The following SORCS2 variants were observed in gnomAD, a reference collection of about 807,000 sequenced individuals.
SORCS2 encodes the protein VPS10 domain-containing receptor SorCS2.
In SORCS2, 100 loss-of-function variants were observed where a neutral mutation model predicts 141.6. That is an observed-to-expected ratio of 0.71 (90% CI 0.60 to 0.83). The LOEUF (loss-of-function observed/expected upper bound fraction) is 0.83, where lower values mean the gene tolerates loss of function less well. SORCS2 is among the 40% of genes least tolerant of loss of function. The pLI is 0.00. For synonymous variants in SORCS2, 789 were observed against 676.9 expected (o/e 1.17, Z -2.57); for missense variants, 1,646 against 1,560.2 (o/e 1.05, Z -0.93).
intron 1 of SORCS2, among the ~76,000 whole-genome samples, chr4:7,334,222 C>A (rs1462756889): frequency 2.0e-5 from 3 of 152,142 alleles, no homozygotes; most frequent in Non-Finnish European, 4.4e-5. Context: ...TGAGGCTCTC[C>A]CCAAACTTTG....
intron 1 of SORCS2, among the ~76,000 whole-genome samples, chr4:7,312,462 C>G (rs1397544205): frequency 6.6e-6 from 1 of 150,682 alleles, no homozygotes; most frequent in African/African-American, 2.4e-5. Context: ...TCCCTTGGCC[C>G]CCTTTCTGTT....
At chr4:7,271,076 G>A (rs926047891) in intron 1 of SORCS2, among the ~76,000 whole-genome samples, 2 of 152,214 alleles carry the variant, frequency 1.3e-5, no homozygotes, top group African/African-American at 4.8e-5. Context: ...AAGCGATGAG[G>A]CTACTGTGGG....
chr4:7,530,481 G>A (rs986889075), intron 2 of SORCS2, among the ~76,000 whole-genome samples: 1 of 152,198 alleles, frequency 6.6e-6, no homozygotes, highest in Non-Finnish European at 1.5e-5. Flanking sequence ...GGAGCCCCAC[G>A]GCCGTGTGTT....
chr4:7,206,627 G>A (rs983058263), intron 1 of SORCS2, among the ~76,000 whole-genome samples: 3 of 152,148 alleles, frequency 2.0e-5, no homozygotes, highest in African/African-American at 7.2e-5. Context: ...GAGGAGTCCT[G>A]GGCAGAGGGG....
At chr4:7,215,075 C>A (rs1453930726) in intron 1 of SORCS2, among the ~76,000 whole-genome samples, 8 of 152,152 alleles carry the variant, frequency 5.3e-5, no homozygotes, top group African/African-American at 1.9e-4. Context: ...GGAGCCCCTT[C>A]CTGGGCTGGC....
chr4:7,639,806 T>G (rs1302787782), intron 4 of SORCS2, among the ~76,000 whole-genome samples: 1 of 151,216 alleles, frequency 6.6e-6, no homozygotes, highest in Non-Finnish European at 1.5e-5. Flanking sequence ...GGTGAGGTTG[T>G]GTTTGAGTGT....
Position 7,681,154 on chromosome 4 carries a change from G to C in SORCS2, c.1342-1589G>C, listed in dbSNP as rs1335997682. 2.0e-5 allele frequency among the ~76,000 whole-genome samples: 3 copies of C among 152,156 alleles called. No individual in the cohort carries two copies. The South Asian group carries it at 6.2e-4, about 32-fold the overall frequency. Reference sequence around the variant, plus strand: ...CTGATGCGTGTCCTTGGGGGTCAGGGGAGGGACTGCACTGGAGAGAATAGT... The same window carrying C: ...CTGATGCGTGTCCTTGGGGGTCAGGCGAGGGACTGCACTGGAGAGAATAGT... On this transcript the variant is annotated intron_variant, in intron 9 of 26. Transcript: ENST00000507866.
At chr4:7,338,018 C>T (rs139358057) in intron 1 of SORCS2, among the ~76,000 whole-genome samples, 62 of 152,356 alleles carry the variant, frequency 4.1e-4, no homozygotes, top group African/African-American at 1.4e-3. Flanking sequence ...CTGGGCATTG[C>T]GTACCTGCTG....
chr4:7,688,895 A>G (rs1429776820), intron 10 of SORCS2, among the ~76,000 whole-genome samples: 1 of 152,126 alleles, frequency 6.6e-6, no homozygotes, highest in Non-Finnish European at 1.5e-5. Context: ...AACCCCCTGG[A>G]GCTCTTGCAC....
At chr4:7,649,434 G>A (rs546227424) in intron 4 of SORCS2, among the ~76,000 whole-genome samples, 3 of 152,258 alleles carry the variant, frequency 2.0e-5, no homozygotes, top group African/African-American at 7.2e-5. Context: ...GTGGAGAGTG[G>A]CAGGACCAGG....
intron 3 of SORCS2, among the ~76,000 whole-genome samples, chr4:7,611,814 T>C (rs1718422601): frequency 6.6e-6 from 1 of 152,224 alleles, no homozygotes; most frequent in African/African-American, 2.4e-5. Flanking sequence ...TGCTTACACA[T>C]TGTCAGGGGC....
intron 1 of SORCS2, among the ~76,000 whole-genome samples, chr4:7,363,250 T>C (rs1392041749): frequency 6.6e-6 from 1 of 150,898 alleles, no homozygotes; most frequent in Non-Finnish European, 1.5e-5. Flanking sequence ...ATCACCATCA[T>C]CACCATCATT....
intron 2 of SORCS2, among the ~76,000 whole-genome samples, chr4:7,481,850 C>T (rs1054860124): frequency 3.3e-5 from 5 of 152,100 alleles, no homozygotes; most frequent in Non-Finnish European, 7.4e-5. Flanking sequence ...ACCTTTGTCA[C>T]GCTGGATGGT....
chr4:7,605,860 C>A (rs1718024813), intron 3 of SORCS2, among the ~76,000 whole-genome samples: 2 of 152,136 alleles, frequency 1.3e-5, no homozygotes, highest in African/African-American at 4.8e-5. Context: ...GAGGCTGCAG[C>A]CAGTGGGTGG....
At chr4:7,382,046 C>T in intron 1 of SORCS2, 1 of 932,294 alleles carries the variant, frequency 1.1e-6, no homozygotes, top group Non-Finnish European at 1.3e-6. Flanking sequence ...AAGATGGGAC[C>T]TCGTTCGGGA....
At chr4:7,383,810 C>G (rs928333372) in intron 1 of SORCS2, among the ~76,000 whole-genome samples, 6 of 151,940 alleles carry the variant, frequency 3.9e-5, no homozygotes, top group African/African-American at 1.5e-4. Flanking sequence ...AAAGGAGTGA[C>G]GGGTGAAATT....
chr4:7,195,186 G>A (rs1199199033), intron 1 of SORCS2, among the ~76,000 whole-genome samples: 3 of 150,938 alleles, frequency 2.0e-5, no homozygotes, highest in South Asian at 2.1e-4. Flanking sequence ...GTGTGTGTGT[G>A]TGTGTGTGTG....
intron 3 of SORCS2, among the ~76,000 whole-genome samples, chr4:7,548,998 A>G (rs1408141842): frequency 1.3e-5 from 2 of 152,220 alleles, no homozygotes; most frequent in African/African-American, 4.8e-5. Flanking sequence ...CTTGGGTCGC[A>G]TGTTATCCAT....
chr4:7,322,158 C>T (rs1427120818), intron 1 of SORCS2, among the ~76,000 whole-genome samples: 3 of 152,136 alleles, frequency 2.0e-5, no homozygotes, highest in East Asian at 1.9e-4. Flanking sequence ...CCAGAGGGGG[C>T]CGGGATGTGG....
Sources: allele counts gnomAD v4.1 joint callset (sites outside exome capture counted in the v4.1 genomes callset), GRCh38; gene constraint gnomAD v4.1.1; transcripts MANE v1.5; gene names NCBI Gene and HGNC (gene_info 2026-07-23, HGNC 2026-07-21).